PRDM11: variants seen among roughly 807,000 people sequenced by gnomAD.
PRDM11 encodes the protein PR domain-containing protein 11.
Under a neutral mutation model 97.8 loss-of-function variants are expected in PRDM11, and 20 were observed. That is an observed-to-expected ratio of 0.20 (90% confidence interval 0.14 to 0.30). The LOEUF is 0.30. Ranked by LOEUF, PRDM11 falls within the 10% of genes least tolerant of loss-of-function variation. PRDM11 has a pLI of 1.00. For synonymous variants in PRDM11, 599 were observed against 637.7 expected (o/e 0.94, Z 0.91); for missense variants, 1,139 against 1,555.2 (o/e 0.73, Z 4.50).
At chr11:45,094,875 G>A (rs912216960), upstream of PRDM11, among the ~76,000 whole-genome samples, 3 of 141,370 alleles carry the variant, frequency 2.1e-5, no homozygotes, top group Non-Finnish European at 4.6e-5. Flanking sequence ...GGAAGGGAAG[G>A]AAGAGAGGAG....
chr11:45,188,185 T>C (rs576048820), intron 4 of PRDM11, among the ~76,000 whole-genome samples: 1 of 152,336 alleles, frequency 6.6e-6, no homozygotes, highest in African/African-American at 2.4e-5. Context: ...ATGACAAGCA[T>C]AGCTGTTAAT....
Position 45,226,684 on chromosome 11 carries a change from C to T in PRDM11, c.2059C>T (p.Pro687Ser). ...YVQYTSSDGP[P>S]ATEFLSLQEL... is the part of the protein sequence containing the mutation. ...TCAGTACACCAGCAGTGATGGGCCC[C>T]CGGCCACAGAGTTCCTGTCCCTGCA... Residue 687 changes from proline to serine, a missense_variant, in exon 8 of 8, where the codon CCG becomes TCG. Physicochemically the swap from Pro to Ser is moderately conservative, Grantham distance 74. Coordinates refer to ENST00000683152, the MANE Select transcript of PRDM11 (RefSeq NM_001384648.1). 1.3e-6 allele frequency: 2 copies of T among 1,533,998 alleles called. No homozygotes were observed. Among genetic ancestry groups the T allele is most frequent in the Non-Finnish European group, 1.7e-6 (2 of 1,146,748 alleles).
At chr11:45,170,164 G>A (rs1445650150) in intron 1 of PRDM11, among the ~76,000 whole-genome samples, 1 of 152,066 alleles carries the variant, frequency 6.6e-6, no homozygotes, top group Non-Finnish European at 1.5e-5. Flanking sequence ...CCAACATGGC[G>A]AAACTCCGTC....
intron 1 of PRDM11, among the ~76,000 whole-genome samples, chr11:45,112,778 A>C (rs1852212025): frequency 6.7e-6 from 1 of 148,250 alleles, no homozygotes; most frequent in African/African-American, 2.6e-5. Context: ...CCACTTTTTG[A>C]TGGGATTATT....
chr11:45,120,530 C>T (rs997909203), intron 1 of PRDM11, among the ~76,000 whole-genome samples: 4 of 152,066 alleles, frequency 2.6e-5, no homozygotes, highest in African/African-American at 9.7e-5. Flanking sequence ...CACTGGTCTT[C>T]ACTAGAATCT....
At chr11:45,137,260 C>A (rs1281169484) in intron 1 of PRDM11, among the ~76,000 whole-genome samples, 1 of 151,038 alleles carries the variant, frequency 6.6e-6, no homozygotes, top group East Asian at 2.0e-4. Context: ...TGGTGAAACC[C>A]CGTCTCTACT....
rs1851567356 is a variant in PRDM11 at position 45,148,077 on chromosome 11, G to GGGA, written c.-7+1202_-7+1203insAGG. ...TCCTAGGGTCATTGTTGGAGGTGTA[G>GGGA]GGTCGTAGTTGGGGAGCAGGGCACA... On this transcript the variant is annotated intron_variant, in intron 1 of 7. Transcript: ENST00000683152. Among the ~76,000 whole-genome samples, 6 of 152,260 alleles carry GGGA rather than the reference G, an allele frequency of 3.9e-5. No individual in the cohort carries two copies. The South Asian group carries it at 6.2e-4, about 16-fold the overall frequency.
At chr11:45,110,375 A>AG (rs983137891) in intron 1 of PRDM11, among the ~76,000 whole-genome samples, 9 of 152,106 alleles carry the variant, frequency 5.9e-5, no homozygotes, top group Non-Finnish European at 1.0e-4. Context: ...AAAACGTAAA[A>AG]GGGGGGTGGG....
upstream of PRDM11, among the ~76,000 whole-genome samples, chr11:45,141,803 C>A (rs141686716): frequency 6.6e-6 from 1 of 152,286 alleles, no homozygotes; most frequent in East Asian, 1.9e-4. Flanking sequence ...TTATCTCTAG[C>A]TCCCAATTCA....
intron 1 of PRDM11, among the ~76,000 whole-genome samples, chr11:45,147,905 A>G (rs932473605): frequency 2.0e-5 from 3 of 152,206 alleles, no homozygotes; most frequent in Non-Finnish European, 4.4e-5. Flanking sequence ...CCAGGAGGCA[A>G]TGATGAGAGA....
chr11:45,222,287 A>G (rs1212507676), intron 6 of PRDM11, among the ~76,000 whole-genome samples: 2 of 152,220 alleles, frequency 1.3e-5, no homozygotes, highest in Non-Finnish European at 2.9e-5. Flanking sequence ...TGAAAGCCTT[A>G]AGTCCACAAA....
At chr11:45,147,630 C>A in intron 1 of PRDM11, 1 of 152,460 alleles carries the variant, frequency 6.6e-6, no homozygotes, top group Non-Finnish European at 1.5e-5. Context: ...AATGACCTCT[C>A]TCCGGTCAAG....
At chr11:45,141,510 G>A (rs1851403600) in intron 1 of PRDM11, among the ~76,000 whole-genome samples, 1 of 152,240 alleles carries the variant, frequency 6.6e-6, no homozygotes, top group Non-Finnish European at 1.5e-5. Flanking sequence ...CTTGTAAATT[G>A]AAAAGGAACA....
chr11:45,217,004 C>T (rs551269582), intron 5 of PRDM11, among the ~76,000 whole-genome samples: 1 of 152,194 alleles, frequency 6.6e-6, no homozygotes, highest in Non-Finnish European at 1.5e-5. Context: ...ACAGTATTCT[C>T]CAATCATAGT....
At chr11:45,103,608 C>T (rs974947406) in intron 1 of PRDM11, among the ~76,000 whole-genome samples, 2 of 151,744 alleles carry the variant, frequency 1.3e-5, no homozygotes, top group African/African-American at 4.8e-5. Flanking sequence ...CTTGAGGGGG[C>T]CTTTGAGGGT....
rs985224459 is a variant in PRDM11 at position 45,233,627 on chromosome 11, C to G, written c.*5468C>G. ...CCTGCCCTGTTAGATGCTTCTGCTG[C>G]CCCTAGAGGCCAAGCCCCTGAAGTG... is the stretch of plus-strand genomic sequence containing the variant. On this transcript the variant is annotated 3_prime_UTR_variant, in exon 8 of 8. Transcript: ENST00000683152. The G allele has an allele frequency of 1.3e-5, 2 of 152,376 alleles. No homozygotes were observed. Among genetic ancestry groups the G allele is most frequent in the African/African-American group, 2.4e-5 (1 of 41,460 alleles). The allele number at this position is 152,376 out of a possible 1,614,324, so 9.4% of individuals were successfully genotyped here.
chr11:45,177,483 C>T (rs766897933), intron 1 of PRDM11, among the ~76,000 whole-genome samples: 3 of 152,192 alleles, frequency 2.0e-5, no homozygotes, highest in Non-Finnish European at 4.4e-5. Context: ...AGGACACCAG[C>T]ACATGTTCTC....
intron 4 of PRDM11, among the ~76,000 whole-genome samples, chr11:45,202,244 C>G (rs532120806): frequency 6.6e-6 from 1 of 152,234 alleles, no homozygotes; most frequent in African/African-American, 2.4e-5. Context: ...AGGGCAGCCA[C>G]GTGCTTTGCA....
At chr11:45,100,058 T>C (rs974004590) in intron 1 of PRDM11, among the ~76,000 whole-genome samples, 1 of 152,216 alleles carries the variant, frequency 6.6e-6, no homozygotes, top group African/African-American at 2.4e-5. Flanking sequence ...TTTTTATTTT[T>C]TTTAAGCATC....
Sources: allele counts gnomAD v4.1 joint callset (sites outside exome capture counted in the v4.1 genomes callset), GRCh38; gene constraint gnomAD v4.1.1; transcripts MANE v1.5; gene names NCBI Gene and HGNC (gene_info 2026-07-23, HGNC 2026-07-21).